Variants in TRIM49 observed in about 807,000 individuals in gnomAD.
TRIM49 encodes tripartite motif containing 49.
TRIM49 carries 5 observed loss-of-function variants against 27.4 expected under a neutral mutation model. That is an observed-to-expected ratio of 0.18 (90% CI 0.10 to 0.38). TRIM49 has a LOEUF of 0.38. TRIM49 is among the 10% of genes least tolerant of loss of function. TRIM49 has a pLI of 1.00. For missense variants in TRIM49, 188 were observed against 487.5 expected (o/e 0.39, Z 5.79); for synonymous variants, 69 against 166.0 (o/e 0.42, Z 4.49).
At chr11:89,778,181 G>T in the TRIM49 span, among the ~76,000 whole-genome samples, 2 of 151,896 alleles carry the variant, frequency 1.3e-5, no homozygotes, top group African/African-American at 4.8e-5. Flanking sequence ...GCCCACACAA[G>T]CTAGCCAAAT....
intron 2 of TRIM49, among the ~76,000 whole-genome samples, chr11:89,804,865 G>C (rs12574527): frequency 6.6e-6 from 1 of 151,198 alleles, no homozygotes; most frequent in African/African-American, 2.4e-5. Flanking sequence ...AAAACTACCC[G>C]GGCCAAAGAA....
intron 6 of TRIM49, among the ~76,000 whole-genome samples, chr11:89,800,273 T>C (rs1949724051): frequency 1.3e-5 from 2 of 151,632 alleles, no homozygotes; most frequent in East Asian, 1.9e-4. Context: ...CCACAGTTTT[T>C]TTCAATCTAT....
At chr11:89,785,038 A>G in the TRIM49 span, among the ~76,000 whole-genome samples, 1 of 149,952 alleles carries the variant, frequency 6.7e-6, no homozygotes, top group Non-Finnish European at 1.5e-5. Flanking sequence ...TCATTAATCC[A>G]GAAATCTTGA....
At chr11:89,787,960 C>G in the TRIM49 span, 10 of 294,044 alleles carry the variant, frequency 3.4e-5, no homozygotes, top group South Asian at 5.4e-4. Flanking sequence ...CTAGGATGCT[C>G]CCAGGAAGGG....
At chr11:89,791,353 G>A in the TRIM49 span, among the ~76,000 whole-genome samples, 3 of 152,170 alleles carry the variant, frequency 2.0e-5, no homozygotes, top group East Asian at 5.8e-4. Flanking sequence ...CCCCAACCTA[G>A]CAAGGCAGGC....
At chr11:89,785,266 AAAATC>A in the TRIM49 span, among the ~76,000 whole-genome samples, 1 of 128,898 alleles carries the variant, frequency 7.8e-6, no homozygotes, top group Non-Finnish European at 1.6e-5. Flanking sequence ...ATAAATAAAT[AAAATC>A]ACCTCTTGAA....
At chr11:89,784,977 G>A in the TRIM49 span, among the ~76,000 whole-genome samples, 1 of 149,738 alleles carries the variant, frequency 6.7e-6, no homozygotes, top group Non-Finnish European at 1.5e-5. Flanking sequence ...ATATCACCAA[G>A]AATTACTTAC....
At chr11:89,791,151 T>A in the TRIM49 span, among the ~76,000 whole-genome samples, 1 of 151,120 alleles carries the variant, frequency 6.6e-6, no homozygotes, top group African/African-American at 2.4e-5. Flanking sequence ...TATCAGTGAT[T>A]GAAGAACAAA....
the TRIM49 span, chr11:89,768,922 T>C: frequency 5.7e-3 from 2,661 of 470,662 alleles, 251 homozygotes; most frequent in Middle Eastern, 9.7e-3. Flanking sequence ...CTCACACCTG[T>C]AATCCCACCA....
At chr11:89,766,713 A>G in the TRIM49 span, 4 of 1,534,664 alleles carry the variant, frequency 2.6e-6, no homozygotes, top group South Asian at 1.1e-5. Flanking sequence ...TTCAAAATCA[A>G]GAAACACACC....
At chr11:89,768,094 T>C in the TRIM49 span, 1 of 685,352 alleles carries the variant, frequency 1.5e-6, no homozygotes, top group Non-Finnish European at 2.4e-6. Context: ...TATTCTCTTG[T>C]TCTAGATGAA....
the TRIM49 span, among the ~76,000 whole-genome samples, chr11:89,768,571 A>G: frequency 2.2e-5 from 3 of 135,958 alleles, no homozygotes; most frequent in South Asian, 4.6e-4. Context: ...CAACTTCTGC[A>G]TTGAACTCTT....
At chr11:89,767,695 T>A in the TRIM49 span, among the ~76,000 whole-genome samples, 3 of 129,818 alleles carry the variant, frequency 2.3e-5, no homozygotes, top group African/African-American at 1.2e-4. Context: ...TTCTTATTGT[T>A]CACAGATTCT....
chr11:89,773,185 C>A, the TRIM49 span, among the ~76,000 whole-genome samples: 3 of 133,530 alleles, frequency 2.2e-5, 1 homozygote, highest in Admixed American at 7.0e-5. Context: ...AGGGAGACTG[C>A]GTCTCAAAAA....
At chr11:89,803,990 C>T (rs574603179) in intron 3 of TRIM49, 69 bp downstream of exon 3, 2 of 1,611,590 alleles carry the variant, frequency 1.2e-6, no homozygotes, top group South Asian at 2.2e-5. Context: ...TATCCAATCT[C>T]CAAGAAAATA....
At chr11:89,792,953 G>A (rs1769468725), downstream of TRIM49, among the ~76,000 whole-genome samples, 1 of 152,156 alleles carries the variant, frequency 6.6e-6, no homozygotes, top group South Asian at 2.1e-4. Flanking sequence ...AGTGAATCCA[G>A]GAGCTGGTTT....
chr11:89,771,548 G>GTGTCTT, the TRIM49 span, among the ~76,000 whole-genome samples: 71 of 97,106 alleles, frequency 7.3e-4, no homozygotes, highest in Non-Finnish European at 1.1e-3. Context: ...GTGCTTAGGA[G>GTGTCTT]TGTCTTTAAT....
At chr11:89,798,674 T>C in intron 7 of TRIM49, 45 bp from the exon 8 acceptor site, 5 of 1,453,916 alleles carry the variant, frequency 3.4e-6, no homozygotes, top group Non-Finnish European at 4.5e-6. Flanking sequence ...CATGTGTAAA[T>C]AAGAAAAAAA....
At chr11:89,801,048 G>C in intron 5 of TRIM49, 60 bp from the exon 6 acceptor site, 4 of 797,760 alleles carry the variant, frequency 5.0e-6, no homozygotes, top group Non-Finnish European at 8.1e-6. Flanking sequence ...CTTTCACTAA[G>C]TTCAGTGTGA....
Sources: allele counts gnomAD v4.1 joint callset (sites outside exome capture counted in the v4.1 genomes callset), GRCh38; gene constraint gnomAD v4.1.1; transcripts MANE v1.5; gene names NCBI Gene and HGNC (gene_info 2026-07-23, HGNC 2026-07-21).